GAREM1: variants seen among roughly 807,000 people sequenced by gnomAD.
GAREM1 encodes GRB2-associated and regulator of MAPK protein 1.
GAREM1 carries 26 observed loss-of-function variants against 71.3 expected under a neutral mutation model. That is an observed-to-expected ratio of 0.36 (90% CI 0.27 to 0.51). The LOEUF (loss-of-function observed/expected upper bound fraction) is 0.51. Among genes scored for constraint, GAREM1 ranks in the 20% least tolerant of loss-of-function variants. GAREM1 has a pLI of 0.95. For missense variants in GAREM1, 1,026 were observed against 1,103.1 expected (o/e 0.93, Z 0.99); for synonymous variants, 440 against 433.2 (o/e 1.02, Z -0.20).
At chr18:32,292,253 T>G (rs956863770) in intron 3 of GAREM1, among the ~76,000 whole-genome samples, 1 of 151,866 alleles carries the variant, frequency 6.6e-6, no homozygotes, top group African/African-American at 2.4e-5. Context: ...TGATGATGAT[T>G]TTTTTTTTCA....
At chr18:32,389,603 C>A (rs2048177133) in intron 2 of GAREM1, among the ~76,000 whole-genome samples, 1 of 151,736 alleles carries the variant, frequency 6.6e-6, no homozygotes, top group African/African-American at 2.4e-5. Flanking sequence ...TTATTAGCTG[C>A]CCTAAAAAAA....
At chr18:32,430,022 C>T (rs1192737604) in intron 1 of GAREM1, among the ~76,000 whole-genome samples, 1 of 152,274 alleles carries the variant, frequency 6.6e-6, no homozygotes, top group East Asian at 1.9e-4. Context: ...AATTTGGTTT[C>T]AAACACCATG....
At chr18:32,440,998 T>A (rs1444496129) in intron 1 of GAREM1, among the ~76,000 whole-genome samples, 1 of 152,206 alleles carries the variant, frequency 6.6e-6, no homozygotes, top group African/African-American at 2.4e-5. Context: ...TTTTATGACA[T>A]CTTTTTCTTT....
At chr18:32,391,216 T>C (rs1272484651) in intron 2 of GAREM1, among the ~76,000 whole-genome samples, 1 of 152,046 alleles carries the variant, frequency 6.6e-6, no homozygotes, top group Non-Finnish European at 1.5e-5. Flanking sequence ...ACTGTGTAAA[T>C]GGAAAAGTGT....
chr18:32,377,625 G>A (rs746371630), intron 2 of GAREM1, among the ~76,000 whole-genome samples: 12 of 152,118 alleles, frequency 7.9e-5, no homozygotes, highest in East Asian at 5.8e-4. Context: ...GTGCAGTGGC[G>A]CGATCTCAGC....
At position 32,335,818 on chromosome 18, in the gene GAREM1, A is replaced by G. The variant is rs111844617; in HGVS notation, c.263-25495T>C. On this transcript the variant is annotated intron_variant, in intron 2 of 5. Transcript: ENST00000269209. ...TTTCCTGTAGACAATTCTAGTTGCA[A>G]TTCAGGAAATGCTTTCTGGGTTGAT... Among the ~76,000 whole-genome samples the G allele has an allele frequency of 9.7e-4, 148 of 152,344 alleles. 1 individual carries two copies. Among genetic ancestry groups the G allele is most frequent in the African/African-American group, 3.3e-3 (138 of 41,574 alleles).
intron 1 of GAREM1, among the ~76,000 whole-genome samples, chr18:32,447,718 T>C (rs932373858): frequency 6.6e-6 from 1 of 152,088 alleles, no homozygotes; most frequent in African/African-American, 2.4e-5. Flanking sequence ...AGTACCAAAT[T>C]TTAAAATTTC....
intron 1 of GAREM1, among the ~76,000 whole-genome samples, chr18:32,455,121 G>A (rs2048875102): frequency 6.6e-6 from 1 of 152,170 alleles, no homozygotes; most frequent in Admixed American, 6.6e-5. Context: ...CAAAATCTCA[G>A]GGACTAATCT....
chr18:32,368,551 G>A (rs1285315966), intron 2 of GAREM1, among the ~76,000 whole-genome samples: 1 of 152,120 alleles, frequency 6.6e-6, no homozygotes, highest in Non-Finnish European at 1.5e-5. Context: ...TTTCTACTCT[G>A]AATCACTGCT....
chr18:32,390,339 AT>A (rs1462134283), intron 2 of GAREM1, among the ~76,000 whole-genome samples: 1 of 152,212 alleles, frequency 6.6e-6, no homozygotes, highest in African/African-American at 2.4e-5. Context: ...GCTGGAATCT[AT>A]TTGTACCTCA....
intron 2 of GAREM1, among the ~76,000 whole-genome samples, chr18:32,329,098 T>C (rs1323756638): frequency 6.6e-6 from 1 of 152,156 alleles, no homozygotes; most frequent in Non-Finnish European, 1.5e-5. Context: ...CTGCCCGGCA[T>C]GGTGGCTCAC....
At chr18:32,282,273 A>C (rs1038234341) in intron 4 of GAREM1, among the ~76,000 whole-genome samples, 5 of 152,046 alleles carry the variant, frequency 3.3e-5, no homozygotes, top group Admixed American at 6.5e-5. Flanking sequence ...AAATTTAAAA[A>C]AACTTAGCCA....
intron 1 of GAREM1, among the ~76,000 whole-genome samples, chr18:32,417,737 G>A (rs533188538): frequency 2.0e-5 from 3 of 152,166 alleles, no homozygotes; most frequent in Admixed American, 6.5e-5. Context: ...GGTAGTGGGG[G>A]TGGGAGGAAG....
intron 3 of GAREM1, 78 bp from the exon 4 acceptor site, chr18:32,288,281 CAAAT>C: frequency 8.9e-7 from 1 of 1,125,130 alleles, no homozygotes; most frequent in Non-Finnish European, 1.3e-6. Context: ...AAGACACACA[CAAAT>C]ACACACACAG....
intron 3 of GAREM1, among the ~76,000 whole-genome samples, chr18:32,301,886 TTAA>T (rs1180091178): frequency 4.6e-5 from 7 of 152,204 alleles, no homozygotes; most frequent in African/African-American, 1.7e-4. Flanking sequence ...TACTTTACTA[TTAA>T]TAAGATATAA....
At chr18:32,295,970 T>G (rs2047135268) in intron 3 of GAREM1, among the ~76,000 whole-genome samples, 1 of 151,952 alleles carries the variant, frequency 6.6e-6, no homozygotes, top group South Asian at 2.1e-4. Context: ...TTTCTTTTTT[T>G]TTTTTCTTTT....
chr18:32,450,990 A>G (rs2048832468), intron 1 of GAREM1, among the ~76,000 whole-genome samples: 1 of 152,118 alleles, frequency 6.6e-6, no homozygotes, highest in South Asian at 2.1e-4. Context: ...CTATTAAAAA[A>G]AAAATTAAAT....
At chr18:32,457,185 A>G (rs117218227) in intron 1 of GAREM1, among the ~76,000 whole-genome samples, 1,855 of 75,796 alleles carry the variant, frequency 0.024, 13 homozygotes, top group South Asian at 0.037. Flanking sequence ...GGTGGGGGAG[A>G]GAGATTGTGT....
intron 2 of GAREM1, among the ~76,000 whole-genome samples, chr18:32,332,613 C>T (rs535225259): frequency 6.6e-6 from 1 of 152,292 alleles, no homozygotes; most frequent in African/African-American, 2.4e-5. Context: ...GTCCTCTGCT[C>T]TCAGCACTTC....
Sources: gnomAD v4.1 joint callset for allele counts (sites outside exome capture counted in the v4.1 genomes callset) on GRCh38, gnomAD v4.1.1 for gene constraint, MANE v1.5 for transcripts, NCBI Gene and HGNC (gene_info 2026-07-23, HGNC 2026-07-21) for gene names.